DAAM2: variants seen among roughly 807,000 people sequenced by gnomAD.
DAAM2 encodes disheveled-associated activator of morphogenesis 2.
In DAAM2, 39 loss-of-function variants were observed where a neutral mutation model predicts 120.7. That is an observed-to-expected ratio of 0.32 (90% CI 0.25 to 0.42). The LOEUF (loss-of-function observed/expected upper bound fraction) is 0.42, where lower values mean the gene tolerates loss of function less well. Ranked by LOEUF, DAAM2 falls within the 10% of genes least tolerant of loss-of-function variation. The pLI, the probability that DAAM2 is intolerant of heterozygous loss-of-function variation, is 1.00. For synonymous variants in DAAM2, 488 were observed against 524.9 expected (o/e 0.93, Z 0.96); for missense variants, 1,283 against 1,401.7 (o/e 0.92, Z 1.35).
chr6:39,852,549 G>C (rs368309445), intron 1 of DAAM2, among the ~76,000 whole-genome samples: 1 of 152,218 alleles, frequency 6.6e-6, no homozygotes, highest in Non-Finnish European at 1.5e-5. Context: ...TGGGCAGGGC[G>C]AGTCTTACCT....
At chr6:39,849,695 T>G (rs1417291237) in intron 1 of DAAM2, among the ~76,000 whole-genome samples, 2 of 152,064 alleles carry the variant, frequency 1.3e-5, no homozygotes, top group Non-Finnish European at 2.9e-5. Flanking sequence ...GGATTAGAGC[T>G]AAGAGGAATC....
rs1360470543 is a variant in DAAM2, at chr6:39,902,833, CAAGA to C, written c.*797_*800del. Reference sequence around the variant, plus strand: ...TGCTTGATGAATCTGGCGAGGGGCTCAAGACAGACCTCATGCATCACCACACCTC... The same window carrying C: ...TGCTTGATGAATCTGGCGAGGGGCTCCAGACCTCATGCATCACCACACCTC... On this transcript the variant is annotated 3_prime_UTR_variant, in exon 25 of 25. Coordinates refer to ENST00000274867, the MANE Select transcript of DAAM2 (RefSeq NM_001201427.2). The C allele has an allele frequency of 6.6e-6, 1 of 152,338 alleles. No homozygotes were observed. Among genetic ancestry groups the C allele is most frequent in the Non-Finnish European group, 1.5e-5 (1 of 68,144 alleles). The allele number at this position is 152,338 out of a possible 1,614,324, so 9.4% of individuals were successfully genotyped here. A position where few individuals can be genotyped will look rare whatever the true frequency, so the allele number is the denominator to read the frequency against.
rs185196737 is a variant in DAAM2, at chr6:39,904,692, A to G, written c.*2655A>G. 2.7e-4 allele frequency: 120 copies of G among 440,880 alleles called. No homozygotes were observed. The highest frequency in any genetic ancestry group is 4.4e-4 in the Non-Finnish European group (100 of 225,160). The allele number at this position is 440,880 out of a possible 1,614,324, so 27.3% of individuals were successfully genotyped here. A position where few individuals can be genotyped will look rare whatever the true frequency, so the allele number is the denominator to read the frequency against. On this transcript the variant is annotated 3_prime_UTR_variant, in exon 25 of 25. Transcript: ENST00000274867. Reference sequence around the variant, plus strand: ...TTCCACCAACTGGGGAACTGTGACTATCTATCTCCCCCGACTTCTACCAGG... The same window carrying G: ...TTCCACCAACTGGGGAACTGTGACTGTCTATCTCCCCCGACTTCTACCAGG...
At position 39,878,391 on chromosome 6, in the gene DAAM2, AC is replaced by A. The variant is rs762352586; in HGVS notation, c.1361-8del. 1.9e-6 allele frequency: 3 copies of A among 1,610,366 alleles called. No homozygotes were observed. The highest frequency in any genetic ancestry group is 1.7e-5 in the Admixed American group (1 of 59,574). On this transcript the variant is annotated splice_polypyrimidine_tract_variant and intron_variant, in intron 12 of 24. Coordinates refer to ENST00000274867, the MANE Select transcript of DAAM2 (RefSeq NM_001201427.2). The surrounding 1 kb of genome is among the most constrained non-coding windows in gnomAD (Gnocchi z 5.0). ...CTCCTTCTGTTTCCTCTCCCGTCCC[AC>A]CCCCATTCCAGAACACATGGAGCTT...
chr6:39,844,037 A>C (rs77512494), intron 1 of DAAM2, among the ~76,000 whole-genome samples: 1,867 of 152,230 alleles, frequency 0.012, 21 homozygotes, highest in East Asian at 0.059. Flanking sequence ...TCTGAGCCTT[A>C]ATTTCCTTAT....
intron 1 of DAAM2, among the ~76,000 whole-genome samples, chr6:39,799,267 C>T (rs1053419815): frequency 6.6e-6 from 1 of 152,092 alleles, no homozygotes; most frequent in Non-Finnish European, 1.5e-5. Flanking sequence ...GGTGAAAAGT[C>T]GGGTTTTGTC....
At chr6:39,899,745 T>A (rs1554186090) in intron 22 of DAAM2, 1 of 204,180 alleles carries the variant, frequency 4.9e-6, no homozygotes, top group Non-Finnish European at 1.0e-5. Context: ...TGTGCATGAG[T>A]CACCTGGAGT....
chr6:39,802,738 A>G (rs1761903019), intron 1 of DAAM2, among the ~76,000 whole-genome samples: 1 of 152,148 alleles, frequency 6.6e-6, no homozygotes, highest in South Asian at 2.1e-4. Context: ...AAAAATTTTT[A>G]TTTTGTCTTA....
At chr6:39,858,952 A>G (rs1045661430) in intron 2 of DAAM2, among the ~76,000 whole-genome samples, 3 of 152,198 alleles carry the variant, frequency 2.0e-5, no homozygotes, top group African/African-American at 7.2e-5. Context: ...GTAGTTGCTA[A>G]AGAAACCAGG....
intron 1 of DAAM2, among the ~76,000 whole-genome samples, chr6:39,833,198 G>A (rs67758700): frequency 0.16 from 24,152 of 152,100 alleles, 2,171 homozygotes; most frequent in South Asian, 0.3. Flanking sequence ...GGAATCCAGG[G>A]CATTTACTTT....
chr6:39,855,586 C>T (rs910982818), intron 1 of DAAM2, among the ~76,000 whole-genome samples: 11 of 152,156 alleles, frequency 7.2e-5, no homozygotes, highest in South Asian at 2.1e-4. Flanking sequence ...GACAACTGGC[C>T]GCCTCCTTCT....
intron 1 of DAAM2, among the ~76,000 whole-genome samples, chr6:39,852,722 T>G (rs2149276205): frequency 6.6e-6 from 1 of 152,312 alleles, no homozygotes; most frequent in South Asian, 2.1e-4. Flanking sequence ...AAGCTGGGGC[T>G]TCAGAGGTGA....
intron 19 of DAAM2, among the ~76,000 whole-genome samples, chr6:39,894,766 A>G (rs574547990): frequency 6.6e-6 from 1 of 152,002 alleles, no homozygotes; most frequent in Non-Finnish European, 1.5e-5. Context: ...CACTACAGGC[A>G]CATGCCACCA....
chr6:39,896,661 TGAG>T (rs2149371277), intron 19 of DAAM2, 148 bp from the exon 20 acceptor site: 1 of 561,560 alleles, frequency 1.8e-6, no homozygotes, highest in East Asian at 3.4e-5. Flanking sequence ...ATGGGTCTGC[TGAG>T]GAGTAGGTAT....
intron 19 of DAAM2, among the ~76,000 whole-genome samples, chr6:39,895,478 T>C (rs7753062): frequency 0.09 from 13,650 of 152,152 alleles, 1,254 homozygotes; most frequent in East Asian, 0.25. Context: ...TCAGGTGATC[T>C]GCCTGCCTCA....
intron 3 of DAAM2, 137 bp from the exon 4 acceptor site, chr6:39,864,296 G>C (rs989054547): frequency 6.3e-6 from 4 of 634,392 alleles, no homozygotes; most frequent in African/African-American, 5.5e-5. Context: ...CTGGGGGAGA[G>C]TGTAATTTCC....
chr6:39,842,454 A>G (rs922292109), intron 1 of DAAM2, among the ~76,000 whole-genome samples: 4 of 152,166 alleles, frequency 2.6e-5, no homozygotes, highest in African/African-American at 9.7e-5. Flanking sequence ...CAACATGGTG[A>G]AATCCCGTCT....
chr6:39,805,541 G>T (rs1377265347), intron 1 of DAAM2, among the ~76,000 whole-genome samples: 1 of 149,686 alleles, frequency 6.7e-6, no homozygotes, highest in Non-Finnish European at 1.5e-5. Flanking sequence ...TCATGGGAAA[G>T]AAGTATCCTA....
intron 1 of DAAM2, among the ~76,000 whole-genome samples, chr6:39,798,753 T>C (rs1170414372): frequency 6.6e-6 from 1 of 152,186 alleles, no homozygotes; most frequent in Admixed American, 6.5e-5. Context: ...CTTCCTGATC[T>C]ACTCATCCTC....
Sources: allele counts gnomAD v4.1 joint callset (sites outside exome capture counted in the v4.1 genomes callset), GRCh38; gene constraint gnomAD v4.1.1; non-coding constraint Gnocchi (gnomAD v3.1); transcripts MANE v1.5; gene names NCBI Gene and HGNC (gene_info 2026-07-23, HGNC 2026-07-21).